Variants in HPS3 observed in about 807,000 individuals in gnomAD.
HPS3 encodes the protein HPS3 biogenesis of lysosomal organelles complex 2 subunit 1, also known as BLOC-2 complex member HPS3.
HPS3 carries 79 observed loss-of-function variants against 110.9 expected under a neutral mutation model. The ratio of observed to expected loss-of-function variants is 0.71; its 90% CI spans 0.59 to 0.86. The LOEUF is 0.86. Among genes scored for constraint, HPS3 ranks in the 40% least tolerant of loss-of-function variants. The pLI is 0.00. For missense variants in HPS3, 1,197 were observed against 1,206.2 expected (o/e 0.99, Z 0.11); for synonymous variants, 428 against 451.0 (o/e 0.95, Z 0.65).
chr3:149,140,006 G>A lies in HPS3; in HGVS notation c.220G>A (p.Asp74Asn). Residue 74 changes from aspartate (D) to asparagine (N), a missense_variant and splice_region_variant, in exon 2 of 17, where the codon GAT becomes AAT. By Grantham distance (23) the Asp-to-Asn change is conservative. Coordinates refer to ENST00000296051, the MANE Select transcript of HPS3 (RefSeq NM_032383.5). The stretch of plus-strand genomic sequence containing the variant: ...GTATAATCTTCATTCCTTCTCAGGA[G>A]ATTATTTGGTAGCAATTGAAGAGAA... ...VLRLAYSEAG[D>N]YLVAIEEKNK... 1 of 1,612,744 alleles carries A rather than the reference G, an allele frequency of 6.2e-7. No individual in the cohort carries two copies. Among genetic ancestry groups the A allele is most frequent in the South Asian group, 1.1e-5 (1 of 90,890 alleles).
At chr3:149,149,552 A>T (rs914430041) in intron 5 of HPS3, among the ~76,000 whole-genome samples, 1 of 152,100 alleles carries the variant, frequency 6.6e-6, no homozygotes, top group African/African-American at 2.4e-5. Context: ...TACCTCTTAA[A>T]TTGTGCTAAG....
At chr3:149,133,121 T>A (rs1255879862) in intron 1 of HPS3, among the ~76,000 whole-genome samples, 2 of 152,166 alleles carry the variant, frequency 1.3e-5, no homozygotes, top group Non-Finnish European at 2.9e-5. Flanking sequence ...ATTTAGAATA[T>A]TTCATAAACT....
chr3:149,169,243 G>A (rs1415577378), intron 16 of HPS3, among the ~76,000 whole-genome samples: 1 of 152,130 alleles, frequency 6.6e-6, no homozygotes, highest in Non-Finnish European at 1.5e-5. Context: ...AGAACTTTAG[G>A]TTCGTTTCAC....
In HPS3 at chr3:149,172,428, C is replaced by T. The variant is rs537793845; in HGVS notation, c.*206C>T. The T allele has an allele frequency of 1.2e-5, 6 of 485,392 alleles. No individual in the cohort carries two copies. Among genetic ancestry groups the T allele is most frequent in the African/African-American group, 1.2e-4 (6 of 50,884 alleles). The allele number at this position is 485,392 out of a possible 1,614,324, so 30.1% of individuals were successfully genotyped here. A position where few individuals can be genotyped will look rare whatever the true frequency, so the allele number is the denominator to read the frequency against. The stretch of plus-strand genomic sequence containing the variant: ...TAACTATTCACTTCTTAATTTATGA[C>T]CTCAATCAATTTAATTGTCTAGAAT... On this transcript the variant is annotated 3_prime_UTR_variant, in exon 17 of 17. Transcript: ENST00000296051.
chr3:149,169,271 A>T (rs776432182), intron 16 of HPS3, among the ~76,000 whole-genome samples: 13 of 152,156 alleles, frequency 8.5e-5, no homozygotes, highest in Non-Finnish European at 1.3e-4. Flanking sequence ...TGTTTTCTTA[A>T]CAGTTGTACA....
At chr3:149,142,038 T>TG in intron 4 of HPS3, among the ~76,000 whole-genome samples, 1 of 151,584 alleles carries the variant, frequency 6.6e-6, no homozygotes, top group East Asian at 1.9e-4. Context: ...TTAGTAGAGA[T>TG]GGGGTTTCTC....
At chr3:149,166,176 T>C (rs947719564) in intron 14 of HPS3, 7 of 347,398 alleles carry the variant, frequency 2.0e-5, no homozygotes, top group African/African-American at 1.5e-4. Flanking sequence ...GTTTAATTGC[T>C]TGAAGTAAAT....
chr3:149,136,192 A>G (rs1028395963), intron 1 of HPS3, among the ~76,000 whole-genome samples: 3 of 120,930 alleles, frequency 2.5e-5, no homozygotes, highest in Non-Finnish European at 3.4e-5. Flanking sequence ...ACACATTATA[A>G]TATATGTATA....
intron 11 of HPS3, among the ~76,000 whole-genome samples, chr3:149,161,776 C>CCAAAATCCT (rs1279791059): frequency 6.6e-6 from 1 of 152,158 alleles, no homozygotes; most frequent in African/African-American, 2.4e-5. Flanking sequence ...TTCCAAAGTG[C>CCAAAATCCT]TGGGATTACA....
At position 149,150,581 on chromosome 3, in the gene HPS3, C is replaced by T. The variant is rs1481404865; in HGVS notation, c.1164-18C>T. 8 of 1,611,450 alleles carry T rather than the reference C, an allele frequency of 5.0e-6. No homozygotes were observed. Among genetic ancestry groups the T allele is most frequent in the Non-Finnish European group, 6.8e-6 (8 of 1,177,798 alleles). The stretch of plus-strand genomic sequence containing the variant: ...TCTTGGCCTCACTTTGCTCAGCAGC[C>T]TGTGTCTTCCTCCTCAGTAACAACC... On this transcript the variant is annotated intron_variant, in intron 5 of 16. Coordinates refer to ENST00000296051, the MANE Select transcript of HPS3 (RefSeq NM_032383.5).
At chr3:149,134,299 G>T (rs1721946844) in intron 1 of HPS3, among the ~76,000 whole-genome samples, 1 of 152,050 alleles carries the variant, frequency 6.6e-6, no homozygotes, top group African/African-American at 2.4e-5. Context: ...TCCTTTTAAG[G>T]CATAAGAGTT....
At position 149,172,985 on chromosome 3, in the gene HPS3, T is replaced by C. The variant is rs937579895; in HGVS notation, c.*763T>C. 1.3e-5 allele frequency: 2 copies of C among 152,644 alleles called. No homozygotes were observed. Among genetic ancestry groups the C allele is most frequent in the South Asian group, 2.1e-4 (1 of 4,834 alleles). 9.5% of individuals were successfully genotyped at this position (152,644 alleles called of 1,614,324 possible). A position where few individuals can be genotyped will look rare whatever the true frequency, so the allele number is the denominator to read the frequency against. On this transcript the variant is annotated 3_prime_UTR_variant, in exon 17 of 17. Coordinates refer to ENST00000296051, the MANE Select transcript of HPS3 (RefSeq NM_032383.5). ...AACCATGTGTCTTCATTTATAACTTTTTGTTTAAAAAATTTTTAGTTCAAG... is the reference window on the plus strand; with the variant it reads ...AACCATGTGTCTTCATTTATAACTTCTTGTTTAAAAAATTTTTAGTTCAAG...
chr3:149,165,791 G>A (rs1559925955), intron 14 of HPS3, among the ~76,000 whole-genome samples: 1 of 152,148 alleles, frequency 6.6e-6, no homozygotes, highest in African/African-American at 2.4e-5. Context: ...ATCTGGATTA[G>A]TCAAGAGTTA....
At position 149,141,124 on chromosome 3, in the gene HPS3, C is replaced by G. The variant is rs998964541; in HGVS notation, c.820C>G (p.Leu274Val). Reference sequence around the variant, plus strand: ...TGAACAGTCTGGATTATCTGTTACACTGGAGTCTACGGGATTAGCTGATGA... The same window carrying G: ...TGAACAGTCTGGATTATCTGTTACAGTGGAGTCTACGGGATTAGCTGATGA... ...KSEQSGLSVT[L>V]ESTGLADEKR... Residue 274 changes from leucine to valine, a missense_variant, in exon 3 of 17, where the codon CTG (leucine) becomes GTG (valine). Coordinates refer to ENST00000296051, the MANE Select transcript of HPS3 (RefSeq NM_032383.5). 4 of 1,612,976 alleles carry G rather than the reference C, an allele frequency of 2.5e-6. No homozygotes were observed. In the African/African-American group the frequency reaches 4.0e-5, roughly 16 times the overall value.
chr3:149,147,120 T>G (rs1850892), intron 5 of HPS3, among the ~76,000 whole-genome samples: 41,931 of 151,984 alleles, frequency 0.28, 6,461 homozygotes, highest in African/African-American at 0.43. Flanking sequence ...ATAATGGGGA[T>G]GTAGGAGGCA....
intron 6 of HPS3, among the ~76,000 whole-genome samples, chr3:149,152,585 C>G (rs1167313816): frequency 6.6e-6 from 1 of 152,168 alleles, no homozygotes; most frequent in South Asian, 2.1e-4. Context: ...GTTTAGCCCA[C>G]CTGCTGACTC....
intron 14 of HPS3, 40 bp from the exon 15 acceptor site, chr3:149,166,994 A>T (rs1724489138): frequency 6.8e-7 from 1 of 1,476,940 alleles, no homozygotes; most frequent in Admixed American, 1.7e-5. Flanking sequence ...TTAGTTTTTG[A>T]GGTGCCTCAT....
intron 16 of HPS3, 120 bp from the exon 17 acceptor site, chr3:149,171,975 G>T (rs1725038583): frequency 4.5e-6 from 4 of 887,206 alleles, no homozygotes; most frequent in Non-Finnish European, 7.1e-6. Context: ...AAAGTGCTGG[G>T]ATTACAGGCG....
intron 1 of HPS3, among the ~76,000 whole-genome samples, chr3:149,138,931 A>C (rs1438232763): frequency 1.3e-5 from 2 of 152,190 alleles, no homozygotes; most frequent in African/African-American, 4.8e-5. Context: ...GGTAACATGA[A>C]TTTCTATTAT....
Sources: gnomAD v4.1 joint callset for allele counts (sites outside exome capture counted in the v4.1 genomes callset) on GRCh38, gnomAD v4.1.1 for gene constraint, MANE v1.5 for transcripts, NCBI Gene and HGNC (gene_info 2026-07-23, HGNC 2026-07-21) for gene names.